The following PXK variants were observed in gnomAD, a reference collection of about 807,000 sequenced individuals.
The protein encoded by PXK is PX domain-containing protein kinase-like protein.
A neutral mutation model predicts 84.7 loss-of-function variants in PXK; 35 were observed. That is an observed-to-expected ratio of 0.41 (90% CI 0.32 to 0.55). The LOEUF (loss-of-function observed/expected upper bound fraction) is 0.55, where lower values mean the gene tolerates loss of function less well. Ranked by LOEUF, PXK falls within the 20% of genes least tolerant of loss-of-function variation. The probability of loss-of-function intolerance (pLI) is 0.21; values close to 1 mark genes in which losing one functional copy is unlikely to be tolerated. For missense variants in PXK, 634 were observed against 699.7 expected (o/e 0.91, Z 1.06); for synonymous variants, 253 against 260.8 (o/e 0.97, Z 0.29).
chr3:58,356,431 C>T (rs959802971), intron 1 of PXK, among the ~76,000 whole-genome samples: 5 of 152,112 alleles, frequency 3.3e-5, no homozygotes, highest in Admixed American at 6.5e-5. Flanking sequence ...TGTTCCACAT[C>T]GGAGAGGGCA....
At chr3:58,403,788 T>G (rs1032029680) in intron 12 of PXK, 74 bp from the exon 13 acceptor site, 2 of 983,558 alleles carry the variant, frequency 2.0e-6, no homozygotes, top group Non-Finnish European at 3.0e-6. Context: ...TAAAGGTGTC[T>G]TAATCTGCTT....
chr3:58,420,164 A>AT (rs1325815532), intron 17 of PXK, among the ~76,000 whole-genome samples: 2 of 152,208 alleles, frequency 1.3e-5, no homozygotes, highest in African/African-American at 4.8e-5. Flanking sequence ...CACACTCCTC[A>AT]TATCCATTCT....
At chr3:58,367,468 A>G (rs1370959569) in intron 2 of PXK, among the ~76,000 whole-genome samples, 2 of 151,984 alleles carry the variant, frequency 1.3e-5, no homozygotes, top group African/African-American at 4.8e-5. Flanking sequence ...GATGTTCTCG[A>G]TGTCCTGACC....
intron 9 of PXK, among the ~76,000 whole-genome samples, 165 bp downstream of exon 9, chr3:58,395,924 G>T (rs1360181818): frequency 6.6e-6 from 1 of 152,128 alleles, no homozygotes; most frequent in East Asian, 1.9e-4. Context: ...TTGAGACTAA[G>T]GCAACAGTCA....
chr3:58,372,774 G>A (rs915548350), intron 3 of PXK, among the ~76,000 whole-genome samples: 2 of 149,402 alleles, frequency 1.3e-5, no homozygotes, highest in East Asian at 2.0e-4. Flanking sequence ...TTACAGGCAC[G>A]TGCCACCATG....
chr3:58,359,206 C>A (rs1272340702), intron 1 of PXK, among the ~76,000 whole-genome samples: 10 of 152,062 alleles, frequency 6.6e-5, no homozygotes. Context: ...TCTAAGTGCC[C>A]AACATTGAGC....
intron 17 of PXK, among the ~76,000 whole-genome samples, chr3:58,417,314 G>A (rs1004102572): frequency 8.5e-5 from 13 of 152,232 alleles, no homozygotes; most frequent in African/African-American, 2.9e-4. Flanking sequence ...GCTTAGGTAA[G>A]TTGAATTCAG....
chr3:58,414,706 G>GT lies in PXK; in HGVS notation c.1528+1745dup, dbSNP rs2060710461. Among the ~76,000 whole-genome samples the GT allele has an allele frequency of 6.6e-6, 1 of 152,062 alleles. No individual in the cohort carries two copies. Among genetic ancestry groups the GT allele is most frequent in the Non-Finnish European group, 1.5e-5 (1 of 68,014 alleles). The stretch of plus-strand genomic sequence containing the variant: ...TGAGAGTGCCTGGCAGAGATGAGAG[G>GT]TTCCCAGCAAATATTGGCTCCTCCT... On this transcript the variant is annotated intron_variant, in intron 17 of 17. Transcript: ENST00000356151. The surrounding 1 kb of genome is among the most constrained non-coding windows in gnomAD (Gnocchi z 4.5).
intron 1 of PXK, among the ~76,000 whole-genome samples, chr3:58,336,071 A>ATTTTTTTTTTTTTT (rs1171021563): frequency 1.9e-5 from 1 of 51,572 alleles, no homozygotes; most frequent in African/African-American, 1.0e-4. Context: ...ATATATATAT[A>ATTTTTTTTTTTTTT]TTTTTTTTTT....
In PXK at chr3:58,391,763, A is replaced by AT. The variant is rs754837374; in HGVS notation, c.541-9dup. On this transcript the variant is annotated splice_polypyrimidine_tract_variant and intron_variant, in intron 6 of 17. Transcript: ENST00000356151. ...AAACAGTACCCTGATATTCCCTTCC[A>AT]TGTTTTCAGGCTGACCTTGGCCCAG... is the stretch of plus-strand genomic sequence containing the variant. 4.3e-6 allele frequency: 7 copies of AT among 1,610,516 alleles called. No homozygotes were observed. The Admixed American group carries it at 8.3e-5, about 19-fold the overall frequency.
chr3:58,417,450 G>T (rs1035382398), intron 17 of PXK, among the ~76,000 whole-genome samples: 10 of 152,154 alleles, frequency 6.6e-5, no homozygotes, highest in Admixed American at 1.3e-4. Flanking sequence ...AACTATGTAA[G>T]GGTTGGGGCC....
At position 58,333,956 on chromosome 3, in the gene PXK, A is replaced by C. The variant is rs1307773074; in HGVS notation, c.102+866A>C. ...AGGAACCAGCAAGAAACCTGGAGCT[A>C]TCAGCTAGTGGGACTTTTTTGGAAA... is the stretch of plus-strand genomic sequence containing the variant. On this transcript the variant is annotated intron_variant, in intron 1 of 17. Coordinates refer to ENST00000356151, the MANE Select transcript of PXK (RefSeq NM_017771.5). The surrounding 1 kb of genome is among the most constrained non-coding windows in gnomAD (Gnocchi z 5.4). 6.6e-6 allele frequency among the ~76,000 whole-genome samples: 1 copy of C among 151,806 alleles called. No homozygotes were observed. Among genetic ancestry groups the C allele is most frequent in the Non-Finnish European group, 1.5e-5 (1 of 68,000 alleles).
intron 3 of PXK, among the ~76,000 whole-genome samples, chr3:58,376,346 C>A (rs146928696): frequency 5.6e-4 from 85 of 152,166 alleles, no homozygotes; most frequent in African/African-American, 1.8e-3. Flanking sequence ...ACCCAGGAGG[C>A]GGAGGTTGCA....
At chr3:58,351,009 T>C (rs1490287878) in intron 1 of PXK, among the ~76,000 whole-genome samples, 1 of 152,176 alleles carries the variant, frequency 6.6e-6, no homozygotes, top group Non-Finnish European at 1.5e-5. Context: ...GCAGCCCTGT[T>C]ACAAGTAGAA....
At chr3:58,373,512 T>TTAC (rs2098406961) in intron 3 of PXK, among the ~76,000 whole-genome samples, 2 of 152,186 alleles carry the variant, frequency 1.3e-5, no homozygotes. Flanking sequence ...TTGGAGAGAC[T>TTAC]TACTGTACTC....
rs1264345459 is a variant in PXK, at chr3:58,370,839, A to G, written c.201+1361A>G. On this transcript the variant is annotated intron_variant, in intron 3 of 17. Coordinates refer to ENST00000356151, the MANE Select transcript of PXK (RefSeq NM_017771.5). This position sits in a 1 kb window ranked among gnomAD's most constrained non-coding sequence, Gnocchi z 4.2. ...CATGGCGAAACCCTGTCTCTACTAA[A>G]AATACAAAAATTAGCTGGGTGTGGT... Among the ~76,000 whole-genome samples the G allele has an allele frequency of 6.6e-6, 1 of 151,712 alleles. No individual in the cohort carries two copies. The highest frequency in any genetic ancestry group is 1.5e-5 in the Non-Finnish European group (1 of 67,870).
At chr3:58,338,489 G>A (rs2097664978) in intron 1 of PXK, among the ~76,000 whole-genome samples, 1 of 148,630 alleles carries the variant, frequency 6.7e-6, no homozygotes, top group Non-Finnish European at 1.5e-5. Context: ...TGGGCATGGT[G>A]GGGTGTGCCT....
At chr3:58,365,109 T>A (rs1408815787) in intron 1 of PXK, among the ~76,000 whole-genome samples, 1 of 151,950 alleles carries the variant, frequency 6.6e-6, no homozygotes, top group Non-Finnish European at 1.5e-5. Context: ...TTTAGGTTAT[T>A]GATTTGATAG....
At chr3:58,372,330 C>CT (rs539596327) in intron 3 of PXK, among the ~76,000 whole-genome samples, 1,750 of 148,838 alleles carry the variant, frequency 0.012, 14 homozygotes, top group Non-Finnish European at 0.016. Context: ...GCTGCTTTTT[C>CT]TTTTTTTTTT....
Sources: gnomAD v4.1 joint callset for allele counts (sites outside exome capture counted in the v4.1 genomes callset) on GRCh38, gnomAD v4.1.1 for gene constraint, Gnocchi (gnomAD v3.1) non-coding constraint, MANE v1.5 for transcripts, NCBI Gene and HGNC (gene_info 2026-07-23, HGNC 2026-07-21) for gene names.